FRMPD4: variants seen among roughly 807,000 people sequenced by gnomAD.
FRMPD4 encodes FERM and PDZ domain-containing protein 4.
FRMPD4 carries 22 observed loss-of-function variants against 94.1 expected under a neutral mutation model. The observed-to-expected ratio is 0.23, with a 90% CI of 0.17 to 0.33. The LOEUF (loss-of-function observed/expected upper bound fraction) is 0.33. FRMPD4 is among the 10% of genes least tolerant of loss of function. The pLI, the probability that FRMPD4 is intolerant of heterozygous loss-of-function variation, is 1.00. For missense variants in FRMPD4, 1,111 were observed against 1,339.9 expected, an observed-to-expected ratio of 0.83 and a Z score of 2.67; for synonymous variants, 631 against 548.6, an observed-to-expected ratio of 1.15 and a Z score of -2.10.
Position 12,262,906 on chromosome X carries a change from T to C in FRMPD4, c.41+123894T>C, listed in dbSNP as rs138804203. Among the ~76,000 whole-genome samples, 494 of 111,921 alleles carry C rather than the reference T, an allele frequency of 4.4e-3. 1 individual carries two copies. The highest frequency in any genetic ancestry group is 9.3e-3 in the Middle Eastern group (2 of 216). On this transcript the variant is annotated intron_variant, in intron 1 of 16. Transcript: ENST00000675598. Reference sequence around the variant, plus strand: ...TGTGCAGGTATTCTACACTTGGAAGTCACTGGGCATGTGGGTCCTTGTAGA... The same window carrying C: ...TGTGCAGGTATTCTACACTTGGAAGCCACTGGGCATGTGGGTCCTTGTAGA...
At chrX:11,980,961 TA>T (rs2054394257) in intron 3 of FRMPD4, among the ~76,000 whole-genome samples, 1 of 111,859 alleles carries the variant, frequency 8.9e-6, no homozygotes, top group Non-Finnish European at 1.9e-5. Context: ...GTAGTTTTTG[TA>T]AAGCTTGGTT....
At chrX:12,058,434 T>C (rs1463393308) in intron 3 of FRMPD4, among the ~76,000 whole-genome samples, 1 of 111,012 alleles carries the variant, frequency 9.0e-6, no homozygotes, top group Non-Finnish European at 1.9e-5. Flanking sequence ...GGCCAGCATG[T>C]CAAAGTGCCA....
At chrX:12,708,677 A>G (rs2041926415) in intron 13 of FRMPD4, among the ~76,000 whole-genome samples, 1 of 111,624 alleles carries the variant, frequency 9.0e-6, no homozygotes, top group African/African-American at 3.3e-5. Context: ...TCCACAAAGG[A>G]GACAACACCA....
intron 8 of FRMPD4, among the ~76,000 whole-genome samples, chrX:12,692,339 C>A (rs989382880): frequency 8.9e-6 from 1 of 112,247 alleles, no homozygotes; most frequent in African/African-American, 3.2e-5. Context: ...ATTTAAATAT[C>A]CTGAAACAAA....
intron 1 of FRMPD4, among the ~76,000 whole-genome samples, chrX:12,206,855 TTC>T (rs1411139734): frequency 1.8e-5 from 2 of 112,551 alleles, no homozygotes; most frequent in Non-Finnish European, 3.8e-5. Context: ...GTTATCCACA[TTC>T]TGTTTGTTTT....
At chrX:12,650,036 G>A (rs1201051313) in intron 4 of FRMPD4, among the ~76,000 whole-genome samples, 1 of 112,965 alleles carries the variant, frequency 8.9e-6, no homozygotes, top group Non-Finnish European at 1.9e-5. Flanking sequence ...GCACGTGGGT[G>A]AATCTGGGAA....
intron 2 of FRMPD4, among the ~76,000 whole-genome samples, chrX:12,532,028 G>T (rs180686739): frequency 3.0e-4 from 34 of 111,848 alleles, no homozygotes; most frequent in African/African-American, 1.1e-3. Flanking sequence ...CCCATTTTTT[G>T]AGTAAGAATT....
intron 1 of FRMPD4, among the ~76,000 whole-genome samples, chrX:11,856,278 G>T (rs1601807662): frequency 9.0e-6 from 1 of 111,610 alleles, no homozygotes; most frequent in Non-Finnish European, 1.9e-5. Context: ...CAGACAAACT[G>T]TATCAAACAT....
chrX:12,448,133 T>G (rs1019651335), intron 1 of FRMPD4, among the ~76,000 whole-genome samples: 7 of 111,846 alleles, frequency 6.3e-5, no homozygotes, highest in Non-Finnish European at 1.1e-4. Context: ...ATGGAGTGTT[T>G]GTATACTCAG....
At chrX:12,086,248 G>T (rs1480585975) in intron 3 of FRMPD4, among the ~76,000 whole-genome samples, 1 of 111,565 alleles carries the variant, frequency 9.0e-6, no homozygotes, top group East Asian at 2.8e-4. Flanking sequence ...CTTCTTGTGG[G>T]TATACAAATT....
intron 3 of FRMPD4, among the ~76,000 whole-genome samples, chrX:11,916,940 C>A (rs1183658490): frequency 1.8e-5 from 2 of 111,543 alleles, no homozygotes; most frequent in East Asian, 5.6e-4. Flanking sequence ...ATGATTCGAT[C>A]CTGACCAATG....
rs1430681348 is a variant in FRMPD4 at position 12,295,460 on chromosome X, A to C, written c.41+156448A>C. Among the ~76,000 whole-genome samples the C allele has an allele frequency of 2.7e-5, 3 of 112,610 alleles. No individual in the cohort carries two copies. The Admixed American group carries it at 2.8e-4, about 11-fold the overall frequency. On this transcript the variant is annotated intron_variant, in intron 1 of 16. Coordinates refer to ENST00000675598, the MANE Select transcript of FRMPD4 (RefSeq NM_001368397.1). Reference sequence around the variant, plus strand: ...TTTATTATAATAGTAACAACTTCATAGAATTTTTGTGAAGACCAAATGACA... The same window carrying C: ...TTTATTATAATAGTAACAACTTCATCGAATTTTTGTGAAGACCAAATGACA...
At chrX:12,088,146 A>G (rs1284223781) in intron 3 of FRMPD4, among the ~76,000 whole-genome samples, 9 of 112,040 alleles carry the variant, frequency 8.0e-5, no homozygotes. Flanking sequence ...CATGCAAAAT[A>G]AACTGGCAGC....
intron 1 of FRMPD4, among the ~76,000 whole-genome samples, chrX:12,342,378 T>A (rs1216923991): frequency 8.9e-6 from 1 of 112,130 alleles, no homozygotes; most frequent in East Asian, 2.8e-4. Context: ...GGTGCTGTTT[T>A]AATCCTCCTT....
chrX:12,065,685 G>T (rs187567774), intron 3 of FRMPD4, among the ~76,000 whole-genome samples: 3 of 112,089 alleles, frequency 2.7e-5, no homozygotes, highest in African/African-American at 9.7e-5. Flanking sequence ...TGATTATTTC[G>T]AACAAAGTAT....
intron 1 of FRMPD4, among the ~76,000 whole-genome samples, chrX:12,485,960 T>C (rs2057735415): frequency 9.0e-6 from 1 of 111,019 alleles, no homozygotes; most frequent in African/African-American, 3.3e-5. Flanking sequence ...AGTGCAAGTT[T>C]TGTTCAGGAG....
chrX:12,674,364 A>G (rs1475720689), intron 4 of FRMPD4, among the ~76,000 whole-genome samples: 1 of 111,500 alleles, frequency 9.0e-6, no homozygotes, highest in Non-Finnish European at 1.9e-5. Context: ...CTACAATAAC[A>G]TTTTTGTCTC....
At chrX:12,334,949 C>T (rs923653709) in intron 1 of FRMPD4, among the ~76,000 whole-genome samples, 4 of 110,572 alleles carry the variant, frequency 3.6e-5, no homozygotes, top group Non-Finnish European at 5.7e-5. Context: ...TAACACTATG[C>T]GGATTATTAT....
chrX:12,230,946 TAATATAGTATATATAGTAA>T (rs2056981498), intron 1 of FRMPD4, among the ~76,000 whole-genome samples: 1 of 75,060 alleles, frequency 1.3e-5, no homozygotes, highest in African/African-American at 5.6e-5. Context: ...CTATATATAG[TAATATAGTATATATAGTAA>T]ATATATAGTA....
Sources: gnomAD v4.1 joint callset for allele counts (sites outside exome capture counted in the v4.1 genomes callset) on GRCh38, gnomAD v4.1.1 for gene constraint, MANE v1.5 for transcripts, NCBI Gene and HGNC (gene_info 2026-07-23, HGNC 2026-07-21) for gene names.